The following HSD17B4 variants were observed in gnomAD, a reference collection of about 807,000 sequenced individuals.
HSD17B4 encodes hydroxysteroid 17-beta dehydrogenase 4.
In HSD17B4, 70 loss-of-function variants were observed where a neutral mutation model predicts 101.0. That is an observed-to-expected ratio of 0.69 (90% confidence interval 0.57 to 0.85). The LOEUF is 0.85. Among genes scored for constraint, HSD17B4 ranks in the 40% least tolerant of loss-of-function variants. The pLI, the probability that HSD17B4 is intolerant of heterozygous loss-of-function variation, is 0.00. For missense variants in HSD17B4, 984 were observed against 892.4 expected (o/e 1.10, Z -1.31); for synonymous variants, 347 against 297.1 (o/e 1.17, Z -1.73).
chr5:119,482,165 C>G (rs1749200233), intron 8 of HSD17B4, among the ~76,000 whole-genome samples: 1 of 152,112 alleles, frequency 6.6e-6, no homozygotes, highest in Non-Finnish European at 1.5e-5. Flanking sequence ...AATTGTCCCA[C>G]AGTTCTTAGA....
intron 8 of HSD17B4, among the ~76,000 whole-genome samples, chr5:119,481,114 G>A (rs953835246): frequency 1.3e-5 from 2 of 152,116 alleles, no homozygotes; most frequent in African/African-American, 4.8e-5. Context: ...TCGGCTGACA[G>A]GATTAAGAGA....
rs1554069007 is a variant in HSD17B4 at position 119,531,568 on chromosome 5, G to GTGTGTGT, written c.1993+164_1993+165insTGTGTGT. 5.2e-3 allele frequency among the ~76,000 whole-genome samples: 609 copies of GTGTGTGT among 116,498 alleles called. 3 individuals carry two copies. The highest frequency in any genetic ancestry group is 0.033 in the East Asian group (136 of 4,140). 76.4% of individuals were successfully genotyped at this position (116,498 alleles called of 152,430 possible). A position where few individuals can be genotyped will look rare whatever the true frequency, so the allele number is the denominator to read the frequency against. ...ATAGGTTTGGGAATGTCCAAAGGGG[G>GTGTGTGT]GTGTGTGTGTGTGTGTGTGTGTGTG... On this transcript the variant is annotated intron_variant, in intron 22 of 23. Coordinates refer to ENST00000510025, the MANE Select transcript of HSD17B4 (RefSeq NM_000414.4).
chr5:119,529,553 T>TC lies in HSD17B4; in HGVS notation c.1768-334dup, dbSNP rs933748306. Among the ~76,000 whole-genome samples, 13 of 151,896 alleles carry TC rather than the reference T, an allele frequency of 8.6e-5. No homozygotes were observed. The East Asian group carries it at 1.9e-3, about 23-fold the overall frequency. Reference sequence around the variant, plus strand: ...AAGAGTGCATCCCCTGATCCCCACTTCCCCCCCAAAAAATGCCCAAAATAC... The same window carrying TC: ...AAGAGTGCATCCCCTGATCCCCACTTCCCCCCCCAAAAAATGCCCAAAATAC... On this transcript the variant is annotated intron_variant, in intron 20 of 23. Coordinates refer to ENST00000510025, the MANE Select transcript of HSD17B4 (RefSeq NM_000414.4).
intron 8 of HSD17B4, among the ~76,000 whole-genome samples, chr5:119,480,293 G>C (rs957940781): frequency 1.3e-5 from 2 of 152,026 alleles, no homozygotes; most frequent in Non-Finnish European, 2.9e-5. Flanking sequence ...TGTTATCGGG[G>C]TCCTGCCCCG....
At chr5:119,454,612 A>G (rs1754410047) in intron 1 of HSD17B4, among the ~76,000 whole-genome samples, 1 of 151,594 alleles carries the variant, frequency 6.6e-6, no homozygotes, top group Admixed American at 6.6e-5. Context: ...GGAAAACTGT[A>G]TATTTTTGGT....
At chr5:119,495,340 G>A (rs426899) in intron 11 of HSD17B4, among the ~76,000 whole-genome samples, 89,651 of 152,050 alleles carry the variant, frequency 0.59, 26,857 homozygotes, top group East Asian at 0.92. Context: ...ATAACTAATT[G>A]TAAGTGAAAA....
chr5:119,509,967 A>G (rs560876901), intron 16 of HSD17B4, among the ~76,000 whole-genome samples: 2 of 152,224 alleles, frequency 1.3e-5, no homozygotes, highest in Non-Finnish European at 2.9e-5. Context: ...TAGGGAGTCA[A>G]AAGTTATACG....
At chr5:119,534,642 C>G (rs1754389085) in intron 22 of HSD17B4, among the ~76,000 whole-genome samples, 1 of 152,044 alleles carries the variant, frequency 6.6e-6, no homozygotes, top group South Asian at 2.1e-4. Context: ...AACTAAATCT[C>G]AAGGGTGTTG....
Position 119,525,258 on chromosome 5 carries a change from A to C in HSD17B4, c.1546A>C (p.Ile516Leu). ...RLSGDWNPLH[I>L]DPNFASLAGF... The stretch of plus-strand genomic sequence containing the variant: ...CAGTGGAGACTGGAATCCCTTACAC[A>C]TTGATCCTAACTTTGCTAGTCTAGC... The change falls in exon 18 of 24, where the codon ATT becomes CTT. Residue 516 changes from isoleucine to leucine, a missense_variant. Physicochemically the swap from Ile to Leu is conservative, Grantham distance 5. Coordinates refer to ENST00000510025, the MANE Select transcript of HSD17B4 (RefSeq NM_000414.4). 1 of 1,612,074 alleles carries C rather than the reference A, an allele frequency of 6.2e-7. No individual in the cohort carries two copies. Among genetic ancestry groups the C allele is most frequent in the Admixed American group, 1.7e-5 (1 of 59,908 alleles).
At position 119,513,130 on chromosome 5, in the gene HSD17B4, C is replaced by T. The variant is rs190653116; in HGVS notation, c.1438-1851C>T. On this transcript the variant is annotated intron_variant, in intron 16 of 23. Coordinates refer to ENST00000510025, the MANE Select transcript of HSD17B4 (RefSeq NM_000414.4). ...ACAGGTATTAAATGGGTATTATTTACGTGAAGTTGTATCTATTCACAGGTA... is the reference window on the plus strand; with the variant it reads ...ACAGGTATTAAATGGGTATTATTTATGTGAAGTTGTATCTATTCACAGGTA... Among the ~76,000 whole-genome samples, 47 of 152,218 alleles carry T rather than the reference C, an allele frequency of 3.1e-4. 1 individual carries two copies. The East Asian group carries it at 3.9e-3, about 13-fold the overall frequency.
chr5:119,509,493 T>C, intron 16 of HSD17B4: 1 of 631,660 alleles, frequency 1.6e-6, no homozygotes, highest in Non-Finnish European at 2.9e-6. Flanking sequence ...ACTTACTGAA[T>C]AGTAAATATT....
chr5:119,473,313 C>CTT (rs1748208553), intron 2 of HSD17B4, among the ~76,000 whole-genome samples: 1 of 74,878 alleles, frequency 1.3e-5, no homozygotes, highest in Non-Finnish European at 2.8e-5. Flanking sequence ...CTTCCCTGCT[C>CTT]CTTTTTTTTT....
intron 16 of HSD17B4, among the ~76,000 whole-genome samples, chr5:119,513,472 C>G (rs996302745): frequency 3.3e-5 from 5 of 152,134 alleles, no homozygotes; most frequent in African/African-American, 1.2e-4. Flanking sequence ...CAGCCTCTGC[C>G]TCCCAGACTC....
intron 2 of HSD17B4, among the ~76,000 whole-genome samples, chr5:119,457,870 G>A (rs1754828952): frequency 6.6e-6 from 1 of 152,242 alleles, no homozygotes; most frequent in Non-Finnish European, 1.5e-5. Context: ...TGGGGGAAGG[G>A]TGTGTTTGAG....
At chr5:119,497,039 G>T (rs1750711599) in intron 12 of HSD17B4, among the ~76,000 whole-genome samples, 1 of 152,214 alleles carries the variant, frequency 6.6e-6, no homozygotes, top group African/African-American at 2.4e-5. Context: ...GGAGATCAGA[G>T]CGATTGGGTA....
intron 16 of HSD17B4, among the ~76,000 whole-genome samples, chr5:119,513,379 TTTCTTTG>T (rs1167839478): frequency 6.6e-6 from 1 of 152,176 alleles, no homozygotes; most frequent in African/African-American, 2.4e-5. Flanking sequence ...GTATGTTCTT[TTTCTTTG>T]TTCTTTTTTC....
intron 20 of HSD17B4, 123 bp from the exon 21 acceptor site, chr5:119,529,765 TATCTGG>T: frequency 1.6e-6 from 1 of 643,616 alleles, no homozygotes; most frequent in East Asian, 2.8e-5. Context: ...CCTTTTATTT[TATCTGG>T]ATTATTATAT....
At chr5:119,512,135 T>C (rs1752232294) in intron 16 of HSD17B4, among the ~76,000 whole-genome samples, 1 of 152,036 alleles carries the variant, frequency 6.6e-6, no homozygotes, top group Non-Finnish European at 1.5e-5. Flanking sequence ...AGCTTAAAGA[T>C]AGATTGATAG....
At chr5:119,529,804 T>C in intron 20 of HSD17B4, 90 bp from the exon 21 acceptor site, 1 of 785,016 alleles carries the variant, frequency 1.3e-6, no homozygotes, top group Non-Finnish European at 2.2e-6. Flanking sequence ...GAGGCAAAAA[T>C]AATAAATTTT....
Sources: gnomAD v4.1 joint callset for allele counts (sites outside exome capture counted in the v4.1 genomes callset) on GRCh38, gnomAD v4.1.1 for gene constraint, MANE v1.5 for transcripts, NCBI Gene and HGNC (gene_info 2026-07-23, HGNC 2026-07-21) for gene names.